ADAMTSL3: variants seen among roughly 807,000 people sequenced by gnomAD.
The protein encoded by ADAMTSL3 is ADAMTS like 3, also known as ADAMTS-like protein 3.
In ADAMTSL3, 128 loss-of-function variants were observed where a neutral mutation model predicts 201.7. That is an observed-to-expected ratio of 0.63 (90% CI 0.55 to 0.73). The LOEUF is 0.73. Ranked by LOEUF, ADAMTSL3 falls within the 30% of genes least tolerant of loss-of-function variation. The pLI, the probability that ADAMTSL3 is intolerant of heterozygous loss-of-function variation, is 0.00. For synonymous variants in ADAMTSL3, 738 were observed against 748.4 expected, an observed-to-expected ratio of 0.99 and a Z score of 0.23; for missense variants, 1,990 against 2,119.6, an observed-to-expected ratio of 0.94 and a Z score of 1.20.
At chr15:83,747,960 T>C (rs1357056007) in intron 3 of ADAMTSL3, among the ~76,000 whole-genome samples, 2 of 151,834 alleles carry the variant, frequency 1.3e-5, no homozygotes, top group Non-Finnish European at 2.9e-5. Flanking sequence ...AGCAAGTGTC[T>C]GCTTGGCGTC....
At chr15:83,756,237 T>A (rs2062717768) in intron 3 of ADAMTSL3, among the ~76,000 whole-genome samples, 1 of 152,242 alleles carries the variant, frequency 6.6e-6, no homozygotes, top group South Asian at 2.1e-4. Context: ...TGTATTAGTC[T>A]GTTTTCACAC....
chr15:83,835,137 G>A (rs2141969179), intron 6 of ADAMTSL3, among the ~76,000 whole-genome samples: 1 of 151,816 alleles, frequency 6.6e-6, no homozygotes, highest in East Asian at 1.9e-4. Context: ...GGGAGGCTGA[G>A]GCAGGAAAAT....
intron 19 of ADAMTSL3, among the ~76,000 whole-genome samples, chr15:83,959,467 AATCAAGTCATTT>A (rs1275983720): frequency 6.6e-6 from 1 of 152,204 alleles, no homozygotes; most frequent in African/African-American, 2.4e-5. Context: ...TATGCAAAAG[AATCAAGTCATTT>A]ATTAGGGAAA....
intron 9 of ADAMTSL3, among the ~76,000 whole-genome samples, chr15:83,881,507 G>A (rs759227617): frequency 6.6e-6 from 1 of 152,186 alleles, no homozygotes; most frequent in Non-Finnish European, 1.5e-5. Context: ...TTTGGTCTTA[G>A]TCCTGCAAAT....
In ADAMTSL3 at chr15:83,789,414, C is replaced by T. The variant is rs540350312; in HGVS notation, c.318-15236C>T. Reference sequence around the variant, plus strand: ...TCACCTTGCATAGTCTCAGTTCCTCCCAAATTGCTGTTTTCTTTTAAATTT... The same window carrying T: ...TCACCTTGCATAGTCTCAGTTCCTCTCAAATTGCTGTTTTCTTTTAAATTT... On this transcript the variant is annotated intron_variant, in intron 4 of 29. Transcript: ENST00000286744. Among the ~76,000 whole-genome samples, 105 of 151,680 alleles carry T rather than the reference C, an allele frequency of 6.9e-4. 1 individual carries two copies. Among genetic ancestry groups the T allele is most frequent in the Non-Finnish European group, 1.1e-3 (78 of 67,916 alleles).
intron 7 of ADAMTSL3, among the ~76,000 whole-genome samples, chr15:83,851,153 C>T (rs1025648193): frequency 6.6e-5 from 10 of 151,200 alleles, no homozygotes; most frequent in Admixed American, 2.0e-4. Flanking sequence ...GCCTTATCAG[C>T]GTATCACAGA....
chr15:83,897,813 G>T, intron 13 of ADAMTSL3, 45 bp from the exon 14 acceptor site: 1 of 1,531,886 alleles, frequency 6.5e-7, no homozygotes, highest in Non-Finnish European at 8.8e-7. Context: ...TGCCTTTGTG[G>T]TTCTCTTAAA....
chr15:83,757,760 T>G (rs912744410), intron 3 of ADAMTSL3, among the ~76,000 whole-genome samples: 1 of 152,240 alleles, frequency 6.6e-6, no homozygotes, highest in African/African-American at 2.4e-5. Flanking sequence ...TGAATGCTTT[T>G]AACAGCACCC....
At chr15:83,926,237 C>G (rs1361948624) in intron 17 of ADAMTSL3, among the ~76,000 whole-genome samples, 1 of 151,954 alleles carries the variant, frequency 6.6e-6, no homozygotes, top group African/African-American at 2.4e-5. Flanking sequence ...TGCAAAGGCC[C>G]CAAGGAAAGA....
intron 4 of ADAMTSL3, among the ~76,000 whole-genome samples, chr15:83,803,507 G>A (rs1451058244): frequency 6.6e-6 from 1 of 152,042 alleles, no homozygotes; most frequent in Non-Finnish European, 1.5e-5. Flanking sequence ...CTCCAAATTT[G>A]CCATTGAATT....
intron 3 of ADAMTSL3, 141 bp downstream of exon 3, chr15:83,704,649 CCCAGAATA>C: frequency 8.9e-7 from 1 of 1,120,600 alleles, no homozygotes; most frequent in Non-Finnish European, 1.3e-6. Flanking sequence ...CTTGAAGGAT[CCCAGAATA>C]TGTGGATTGC....
Position 83,823,969 on chromosome 15 carries a change from TCTTCTCCTC to T in ADAMTSL3, c.600+3925_600+3933del, listed in dbSNP as rs1322992833. Among the ~76,000 whole-genome samples the T allele has an allele frequency of 5.9e-5, 4 of 67,294 alleles. No individual in the cohort carries two copies. The East Asian group carries it at 1.7e-3, about 29-fold the overall frequency. 44.1% of individuals were successfully genotyped at this position (67,294 alleles called of 152,430 possible). A position where few individuals can be genotyped will look rare whatever the true frequency, so the allele number is the denominator to read the frequency against. ...TTCTTCTTCTTCTTCTTCTTCTTCT[TCTTCTCCTC>T]CTCCTCCTCCTCCTTCTCCTTCTTC... On this transcript the variant is annotated intron_variant, in intron 6 of 29. Coordinates refer to ENST00000286744, the MANE Select transcript of ADAMTSL3 (RefSeq NM_207517.3).
At chr15:83,785,486 G>C (rs1283625558) in intron 4 of ADAMTSL3, among the ~76,000 whole-genome samples, 1 of 152,058 alleles carries the variant, frequency 6.6e-6, no homozygotes, top group Non-Finnish European at 1.5e-5. Flanking sequence ...AGGCCAGCTG[G>C]TTTTTTTGTA....
chr15:83,803,408 T>C (rs188362093), intron 4 of ADAMTSL3, among the ~76,000 whole-genome samples: 91 of 152,256 alleles, frequency 6.0e-4, no homozygotes, highest in African/African-American at 2.1e-3. Flanking sequence ...TTTATTCCCA[T>C]AGAAATAAAT....
intron 3 of ADAMTSL3, among the ~76,000 whole-genome samples, chr15:83,756,449 C>G (rs902924860): frequency 6.6e-6 from 1 of 152,118 alleles, no homozygotes; most frequent in African/African-American, 2.4e-5. Context: ...TGTTGTGAGA[C>G]TTATTCGCTA....
intron 10 of ADAMTSL3, among the ~76,000 whole-genome samples, chr15:83,886,581 C>A (rs1421756061): frequency 6.6e-6 from 1 of 152,260 alleles, no homozygotes; most frequent in Admixed American, 6.5e-5. Flanking sequence ...CCTCCTACTA[C>A]ACCTGGGACC....
At chr15:83,957,500 A>G (rs965409588) in intron 19 of ADAMTSL3, among the ~76,000 whole-genome samples, 2 of 152,198 alleles carry the variant, frequency 1.3e-5, no homozygotes, top group Non-Finnish European at 2.9e-5. Context: ...AACAAGAGAG[A>G]ATGAAGAAGC....
At chr15:83,782,374 G>A (rs2063185280) in intron 4 of ADAMTSL3, among the ~76,000 whole-genome samples, 1 of 152,132 alleles carries the variant, frequency 6.6e-6, no homozygotes, top group South Asian at 2.1e-4. Flanking sequence ...CTACTCAGGA[G>A]GCTCAAGCAG....
intron 3 of ADAMTSL3, among the ~76,000 whole-genome samples, chr15:83,771,475 A>G (rs1201269791): frequency 2.0e-5 from 3 of 152,134 alleles, no homozygotes; most frequent in African/African-American, 7.2e-5. Flanking sequence ...GGCAACCACT[A>G]TTGTACTTTC....
Sources: allele counts gnomAD v4.1 joint callset (sites outside exome capture counted in the v4.1 genomes callset), GRCh38; gene constraint gnomAD v4.1.1; transcripts MANE v1.5; gene names NCBI Gene and HGNC (gene_info 2026-07-23, HGNC 2026-07-21).